Variants in CCDC30 observed in about 807,000 individuals in gnomAD.
CCDC30 encodes coiled-coil domain-containing protein 30.
In CCDC30, 70 loss-of-function variants were observed where a neutral mutation model predicts 100.2. The observed-to-expected ratio is 0.70, with a 90% CI of 0.58 to 0.85. The LOEUF is 0.85. Among genes scored for constraint, CCDC30 ranks in the 40% least tolerant of loss-of-function variants. The pLI, the probability that CCDC30 is intolerant of heterozygous loss-of-function variation, is 0.00. For missense variants in CCDC30, 652 were observed against 771.2 expected (o/e 0.85, Z 1.83); for synonymous variants, 233 against 269.5 (o/e 0.86, Z 1.33).
At chr1:42,571,738 G>A (rs538642929) in intron 7 of CCDC30, among the ~76,000 whole-genome samples, 33 of 152,210 alleles carry the variant, frequency 2.2e-4, no homozygotes, top group East Asian at 2.1e-3. Flanking sequence ...TTAACAAAGC[G>A]TTTGACCATT....
chr1:42,642,235 AC>A, intron 12 of CCDC30, among the ~76,000 whole-genome samples: 1 of 151,002 alleles, frequency 6.6e-6, no homozygotes, highest in Non-Finnish European at 1.5e-5. Flanking sequence ...AAACAAACAA[AC>A]AAACAAAAAA....
exon 15 of CCDC30, chr1:42,646,180 C>T: frequency 1.2e-6 from 2 of 1,602,492 alleles, no homozygotes; most frequent in Non-Finnish European, 8.5e-7. Flanking sequence ...TAGAGGCAAG[C>T]TGGCTTCTCT....
chr1:42,541,384 T>C (rs536074980), intron 6 of CCDC30, among the ~76,000 whole-genome samples: 2 of 152,340 alleles, frequency 1.3e-5, no homozygotes, highest in African/African-American at 4.8e-5. Context: ...TTTCAACATA[T>C]GAACTTTGAG....
At chr1:42,626,082 A>C (rs946551906) in intron 11 of CCDC30, among the ~76,000 whole-genome samples, 7 of 152,100 alleles carry the variant, frequency 4.6e-5, no homozygotes, top group African/African-American at 1.7e-4. Flanking sequence ...CTCTTGCTAA[A>C]TTGACCCCTT....
intron 11 of CCDC30, among the ~76,000 whole-genome samples, chr1:42,636,524 C>T (rs190036333): frequency 3.0e-4 from 45 of 152,048 alleles, no homozygotes; most frequent in East Asian, 1.9e-3. Flanking sequence ...CAGCCAAGAA[C>T]GAGGAAATTT....
chr1:42,525,765 G>A (rs999721772), intron 6 of CCDC30, among the ~76,000 whole-genome samples: 2 of 152,126 alleles, frequency 1.3e-5, no homozygotes, highest in Non-Finnish European at 2.9e-5. Flanking sequence ...CCTTAGGGCA[G>A]ATTTATAGGA....
chr1:42,485,731 G>A (rs1644038767), intron 3 of CCDC30, among the ~76,000 whole-genome samples: 1 of 152,134 alleles, frequency 6.6e-6, no homozygotes, highest in Admixed American at 6.6e-5. Flanking sequence ...ATGAAAAGAT[G>A]CTCAGCACCT....
intron 7 of CCDC30, among the ~76,000 whole-genome samples, chr1:42,568,760 T>C (rs1455265877): frequency 5.6e-5 from 8 of 143,614 alleles, no homozygotes; most frequent in Non-Finnish European, 6.0e-5. Flanking sequence ...CGAAACCCCA[T>C]CTCTACTAAA....
At chr1:42,457,809 G>A in the CCDC30 span, among the ~76,000 whole-genome samples, 3,148 of 151,974 alleles carry the variant, frequency 0.021, 120 homozygotes, top group African/African-American at 0.072. Context: ...ACAAAAATTA[G>A]CCGGGCGTGG....
chr1:42,654,905 GT>G (rs1256399766), downstream of CCDC30, among the ~76,000 whole-genome samples: 4 of 151,258 alleles, frequency 2.6e-5, no homozygotes, highest in Non-Finnish European at 5.9e-5. Flanking sequence ...TAGAGACAAG[GT>G]TTCACCATGT....
intron 6 of CCDC30, among the ~76,000 whole-genome samples, chr1:42,535,169 G>A (rs1485670901): frequency 6.6e-6 from 1 of 152,128 alleles, no homozygotes; most frequent in African/African-American, 2.4e-5. Flanking sequence ...AATCAGTAAG[G>A]AGCCCATTTA....
intron 6 of CCDC30, among the ~76,000 whole-genome samples, chr1:42,517,862 T>G (rs1644579638): frequency 1.3e-5 from 2 of 152,250 alleles, no homozygotes; most frequent in Non-Finnish European, 2.9e-5. Context: ...GACACTGTTT[T>G]GAACACTGCA....
intron 10 of CCDC30, among the ~76,000 whole-genome samples, chr1:42,603,950 T>C (rs953307254): frequency 2.0e-5 from 3 of 152,262 alleles, no homozygotes; most frequent in Non-Finnish European, 2.9e-5. Context: ...ACACGCATAG[T>C]GGCTCACACC....
At position 42,517,944 on chromosome 1, in the gene CCDC30, T is replaced by G. The variant is rs143611802; in HGVS notation, c.456+19028T>G. 3.8e-3 allele frequency among the ~76,000 whole-genome samples: 584 copies of G among 152,338 alleles called. 8 individuals carry two copies. Among genetic ancestry groups the G allele is most frequent in the African/African-American group, 0.013 (542 of 41,592 alleles). ...TTGTTTTTCTTTTTCAAGATTGTTG[T>G]GGCTGTTTGGGGTCCCTTTAGGCTC... On this transcript the variant is annotated intron_variant, in intron 6 of 16. Transcript: ENST00000668663.
chr1:42,527,083 C>G (rs1224305238), intron 6 of CCDC30, among the ~76,000 whole-genome samples: 1 of 152,066 alleles, frequency 6.6e-6, no homozygotes, highest in African/African-American at 2.4e-5. Context: ...TAAAGCTGAC[C>G]AGGAAGGTAA....
At chr1:42,528,830 C>G (rs1191042561) in intron 6 of CCDC30, among the ~76,000 whole-genome samples, 1 of 152,098 alleles carries the variant, frequency 6.6e-6, no homozygotes, top group African/African-American at 2.4e-5. Flanking sequence ...GTTAATCTAC[C>G]TCCCTCTTTG....
At chr1:42,558,934 C>T (rs957441937) in intron 6 of CCDC30, among the ~76,000 whole-genome samples, 1 of 152,216 alleles carries the variant, frequency 6.6e-6, no homozygotes, top group African/African-American at 2.4e-5. Context: ...ATCAGTTTAA[C>T]AGTGGACCTC....
chr1:42,459,985 A>G (rs1011369397), upstream of CCDC30: 20 of 1,513,976 alleles, frequency 1.3e-5, no homozygotes, highest in African/African-American at 2.5e-4. Flanking sequence ...GGTGAAAACT[A>G]CAAAAAAAAC....
intron 6 of CCDC30, among the ~76,000 whole-genome samples, chr1:42,512,525 C>T (rs1429670862): frequency 6.6e-6 from 1 of 152,142 alleles, no homozygotes. Context: ...TATAGAATTT[C>T]CTGATCTTGC....
Sources: gnomAD v4.1 joint callset for allele counts (sites outside exome capture counted in the v4.1 genomes callset) on GRCh38, gnomAD v4.1.1 for gene constraint, MANE v1.5 for transcripts, NCBI Gene and HGNC (gene_info 2026-07-23, HGNC 2026-07-21) for gene names.